GCNT2: variants seen among roughly 807,000 people sequenced by gnomAD.
GCNT2 encodes N-acetyllactosaminide beta-1,6-N-acetylglucosaminyl-transferase.
In GCNT2, 34 loss-of-function variants were observed where a neutral mutation model predicts 34.2. That is an observed-to-expected ratio of 1.00 (90% CI 0.76 to 1.32). The LOEUF (loss-of-function observed/expected upper bound fraction) is 1.32. Among genes scored for constraint, GCNT2 ranks in the 40% most tolerant of loss-of-function variants. The probability of loss-of-function intolerance (pLI) is 0.00; values close to 1 mark genes in which losing one functional copy is unlikely to be tolerated. For missense variants in GCNT2, 584 were observed against 489.4 expected, an observed-to-expected ratio of 1.19 and a Z score of -1.82; for synonymous variants, 212 against 188.0, an observed-to-expected ratio of 1.13 and a Z score of -1.04.
Position 10,529,775 on chromosome 6 carries a change from C to G in GCNT2, c.864C>G (p.Ser288=). The change falls in exon 3 of 5, where the codon TCC becomes TCG. Residue 288 remains serine (S), a synonymous_variant. Coordinates refer to ENST00000495262, the MANE Select transcript of GCNT2 (RefSeq NM_145649.5). The stretch of plus-strand genomic sequence containing the variant: ...ACCAGCTCGCACTTGACTTACTCTC[C>G]TGGTCCAAGGACACCTACAGCCCCG... ...LQDQLALDLL[S]WSKDTYSPDE... The G allele has an allele frequency of 6.2e-7, 1 of 1,614,204 alleles. No homozygotes were observed. The highest frequency in any genetic ancestry group is 8.5e-7 in the Non-Finnish European group (1 of 1,180,018).
intron 3 of GCNT2, among the ~76,000 whole-genome samples, chr6:10,596,960 G>T (rs1312187211): frequency 6.6e-6 from 1 of 152,080 alleles, no homozygotes; most frequent in African/African-American, 2.4e-5. Context: ...CTTTGATCTT[G>T]CAGCGTGATG....
At chr6:10,525,981 C>T (rs1254193941) in intron 1 of GCNT2, among the ~76,000 whole-genome samples, 7 of 152,178 alleles carry the variant, frequency 4.6e-5, no homozygotes, top group Admixed American at 4.6e-4. Context: ...GTAAAAATTA[C>T]TTGACTAGTT....
At chr6:10,594,197 G>A (rs1277738486) in intron 3 of GCNT2, among the ~76,000 whole-genome samples, 1 of 152,152 alleles carries the variant, frequency 6.6e-6, no homozygotes, top group Non-Finnish European at 1.5e-5. Context: ...CAGTTTCCTG[G>A]GTTATCCTGC....
At chr6:10,589,285 TGTGTGTGGTGTGTA>T (rs915027036) in intron 3 of GCNT2, among the ~76,000 whole-genome samples, 12 of 149,428 alleles carry the variant, frequency 8.0e-5, no homozygotes, top group South Asian at 2.1e-4. Flanking sequence ...GTGTTTCTAG[TGTGTGTGGTGTGTA>T]GTGTGTGGTG....
At chr6:10,569,893 CTTTCCTTCCTTCCTT>C (rs1187046737) in intron 3 of GCNT2, among the ~76,000 whole-genome samples, 25 of 146,618 alleles carry the variant, frequency 1.7e-4, no homozygotes, top group African/African-American at 5.2e-4. Flanking sequence ...CTTTTTCTTT[CTTTCCTTCCTTCCTT>C]TTTCCTTCCT....
In GCNT2 at chr6:10,596,281, T is replaced by C. The variant is rs150606388; in HGVS notation, c.926-25070T>C. Reference sequence around the variant, plus strand: ...ACTCACACCTGTAATCCTAGCACTTTGGGAGGCCTAGGCGGGTGGATCACT... The same window carrying C: ...ACTCACACCTGTAATCCTAGCACTTCGGGAGGCCTAGGCGGGTGGATCACT... On this transcript the variant is annotated intron_variant, in intron 3 of 4. Coordinates refer to ENST00000495262, the MANE Select transcript of GCNT2 (RefSeq NM_145649.5). Among the ~76,000 whole-genome samples the C allele has an allele frequency of 5.8e-4, 89 of 152,278 alleles. 1 individual carries two copies. In the East Asian group the frequency reaches 0.016, roughly 27 times the overall value.
chr6:10,541,928 C>T (rs1379681402), intron 3 of GCNT2, among the ~76,000 whole-genome samples: 3 of 152,128 alleles, frequency 2.0e-5, no homozygotes, highest in Admixed American at 6.6e-5. Context: ...TTAGGGTTTG[C>T]GGTTTAATCA....
At chr6:10,557,198 T>G (rs1158466361) in intron 3 of GCNT2, 1 of 1,561,738 alleles carries the variant, frequency 6.4e-7, no homozygotes, top group African/African-American at 1.4e-5. Flanking sequence ...TCTCACAATT[T>G]ACTTTGGCTC....
chr6:10,616,130 T>G (rs556248920), intron 3 of GCNT2, among the ~76,000 whole-genome samples: 3 of 150,260 alleles, frequency 2.0e-5, no homozygotes, highest in South Asian at 2.1e-4. Flanking sequence ...TTCCTTCTGG[T>G]GGGTTCGTGG....
chr6:10,628,120 G>A lies in GCNT2; in HGVS notation c.*1513G>A, dbSNP rs972739198. On this transcript the variant is annotated 3_prime_UTR_variant, in exon 5 of 5. Coordinates refer to ENST00000495262, the MANE Select transcript of GCNT2 (RefSeq NM_145649.5). ...ATTTCCTGAGGTGGATTTACTGAGA[G>A]AAGGTGAAATAAAGCCATATTTAGT... is the stretch of plus-strand genomic sequence containing the variant. 1 of 152,614 alleles carries A rather than the reference G, an allele frequency of 6.6e-6. No individual in the cohort carries two copies. Among genetic ancestry groups the A allele is most frequent in the Non-Finnish European group, 1.5e-5 (1 of 68,026 alleles). 9.5% of individuals were successfully genotyped at this position (152,614 alleles called of 1,614,324 possible). A position where few individuals can be genotyped will look rare whatever the true frequency, so the allele number is the denominator to read the frequency against.
intron 3 of GCNT2, among the ~76,000 whole-genome samples, chr6:10,542,753 G>A (rs776347281): frequency 9.2e-5 from 14 of 152,010 alleles, no homozygotes; most frequent in Non-Finnish European, 1.5e-4. Context: ...ATCCATTGAT[G>A]GACATTTGGG....
At chr6:10,577,356 G>A (rs746909688) in intron 3 of GCNT2, among the ~76,000 whole-genome samples, 18 of 152,098 alleles carry the variant, frequency 1.2e-4, no homozygotes, top group Admixed American at 5.2e-4. Flanking sequence ...CCCTACCTTC[G>A]GGAGCTCAGC....
At chr6:10,545,163 T>C (rs1762217261) in intron 3 of GCNT2, among the ~76,000 whole-genome samples, 1 of 152,096 alleles carries the variant, frequency 6.6e-6, no homozygotes. Context: ...CTTCTCTTTC[T>C]AGTCTATATC....
At chr6:10,594,175 T>C (rs1013577442) in intron 3 of GCNT2, among the ~76,000 whole-genome samples, 3 of 152,200 alleles carry the variant, frequency 2.0e-5, no homozygotes, top group Admixed American at 1.3e-4. Flanking sequence ...TCCCCAGAAT[T>C]TGCATTTCTA....
At chr6:10,580,712 C>T (rs773950888) in intron 3 of GCNT2, among the ~76,000 whole-genome samples, 45 of 152,118 alleles carry the variant, frequency 3.0e-4, no homozygotes, top group Admixed American at 7.9e-4. Context: ...CAGTCCTGCC[C>T]CTCCCCTGAC....
At chr6:10,555,930 G>A in intron 3 of GCNT2, 1 of 1,011,910 alleles carries the variant, frequency 9.9e-7, no homozygotes, top group Non-Finnish European at 1.2e-6. Flanking sequence ...ACAAGAGAGG[G>A]CAAGTCCAGC....
intron 3 of GCNT2, among the ~76,000 whole-genome samples, chr6:10,582,192 T>C (rs965743108): frequency 1.6e-5 from 2 of 125,524 alleles, no homozygotes; most frequent in Admixed American, 1.8e-4. Context: ...TATATTTTTA[T>C]ATAATATATA....
intron 3 of GCNT2, chr6:10,574,626 AG>A (rs1458234286): frequency 9.0e-5 from 20 of 222,414 alleles, no homozygotes; most frequent in Non-Finnish European, 1.7e-4. Context: ...AGCAGAGATC[AG>A]TGAACTATAG....
At chr6:10,591,595 G>A (rs1044564393) in intron 3 of GCNT2, among the ~76,000 whole-genome samples, 2 of 152,210 alleles carry the variant, frequency 1.3e-5, no homozygotes, top group Non-Finnish European at 2.9e-5. Context: ...GGCGGCGTAT[G>A]CAGACGCCTC....
Sources: allele counts gnomAD v4.1 joint callset (sites outside exome capture counted in the v4.1 genomes callset), GRCh38; gene constraint gnomAD v4.1.1; transcripts MANE v1.5; gene names NCBI Gene and HGNC (gene_info 2026-07-23, HGNC 2026-07-21).